The following CDH3 variants were observed in gnomAD, a reference collection of about 807,000 sequenced individuals.
CDH3 encodes the protein cadherin 3, also known as cadherin-3.
In CDH3, 54 loss-of-function variants were observed where a neutral mutation model predicts 82.0. The ratio of observed to expected loss-of-function variants is 0.66; its 90% CI spans 0.53 to 0.83. The LOEUF is 0.83. Ranked by LOEUF, CDH3 falls within the 40% of genes least tolerant of loss-of-function variation. The pLI, the probability that CDH3 is intolerant of heterozygous loss-of-function variation, is 0.00. For missense variants in CDH3, 1,054 were observed against 1,084.6 expected, an observed-to-expected ratio of 0.97 and a Z score of 0.40; for synonymous variants, 446 against 437.9, an observed-to-expected ratio of 1.02 and a Z score of -0.23.
chr16:68,682,475 G>C lies in CDH3; in HGVS notation c.1170G>C (p.Leu390=), dbSNP rs1311636839. 3 of 1,613,960 alleles carry C rather than the reference G, an allele frequency of 1.9e-6. No individual in the cohort carries two copies. Among genetic ancestry groups the C allele is most frequent in the Non-Finnish European group, 2.5e-6 (3 of 1,180,042 alleles). Residue 390 remains leucine, a synonymous_variant, in exon 9 of 16, where the codon CTG becomes CTC. Transcript: ENST00000264012. ...TTHPESNQGI[L]TTRKGLDFEA... is the part of the protein sequence containing the mutation. ...ACCCTGAGAGCAACCAGGGCATCCT[G>C]ACAACCAGGAAGGTGAGTCAGTTCG...
At chr16:68,705,936 G>T (rs377125495) in intron 1 of CDH3, among the ~76,000 whole-genome samples, 56 of 151,490 alleles carry the variant, frequency 3.7e-4, no homozygotes, top group African/African-American at 1.3e-3. Context: ...GTGGTGGCAC[G>T]TGCCTGTAGT....
At chr16:68,659,538 G>A (rs1960502241) in intron 2 of CDH3, among the ~76,000 whole-genome samples, 2 of 150,966 alleles carry the variant, frequency 1.3e-5, no homozygotes, top group Admixed American at 1.3e-4. Flanking sequence ...TCATACGACT[G>A]CACTGCACTC....
At chr16:68,696,512 C>G (rs11075695) in intron 15 of CDH3, 105,245 of 183,774 alleles carry the variant, frequency 0.57, 30,420 homozygotes, top group Non-Finnish European at 0.61. Flanking sequence ...GATCACTTGA[C>G]GTCAGGAGTT....
At position 68,682,318 on chromosome 16, in the gene CDH3, C is replaced by T; in HGVS notation, c.1013C>T (p.Pro338Leu). The change falls in exon 9 of 16, where the codon CCT becomes CTT. Residue 338 changes from proline to leucine, a missense_variant. Transcript: ENST00000264012. ...CACTGACAGTACGAGGCCCATGTGC[C>T]TGAGAATGCAGTGGGCCATGAGGTG... ...FDPQKYEAHV[P>L]ENAVGHEVQR... The T allele has an allele frequency of 6.2e-7, 1 of 1,613,900 alleles. No individual in the cohort carries two copies. Among genetic ancestry groups the T allele is most frequent in the Non-Finnish European group, 8.5e-7 (1 of 1,179,992 alleles).
intron 8 of CDH3, among the ~76,000 whole-genome samples, chr16:68,681,330 G>T (rs143773944): frequency 1.3e-5 from 2 of 152,120 alleles, no homozygotes; most frequent in African/African-American, 2.4e-5. Flanking sequence ...ATCTATGTAC[G>T]TTTCCTAACA....
At chr16:68,651,102 C>T (rs968301127) in intron 2 of CDH3, 10 of 427,620 alleles carry the variant, frequency 2.3e-5, no homozygotes, top group African/African-American at 6.2e-5. Context: ...CGTTGGTGCC[C>T]GAGGGAGCCC....
intron 1 of CDH3, among the ~76,000 whole-genome samples, chr16:68,705,732 G>T (rs116433254): frequency 0.057 from 8,626 of 150,500 alleles, 571 homozygotes; most frequent in African/African-American, 0.17. Flanking sequence ...CCAAGACACT[G>T]TTCTTGGTGC....
At chr16:68,705,426 T>A (rs919691533) in intron 1 of CDH3, among the ~76,000 whole-genome samples, 4 of 151,038 alleles carry the variant, frequency 2.6e-5, no homozygotes, top group African/African-American at 9.8e-5. Context: ...TGCAAGACAC[T>A]GGTTTTTTTT....
chr16:68,659,829 A>C (rs1960512166), intron 2 of CDH3, among the ~76,000 whole-genome samples: 1 of 150,618 alleles, frequency 6.6e-6, no homozygotes, highest in Non-Finnish European at 1.5e-5. Flanking sequence ...TGCACAAAAA[A>C]CTTATGTATG....
In CDH3 at chr16:68,682,316, G is replaced by T. The variant is rs201726457; in HGVS notation, c.1011G>T (p.Val337=). 1.9e-6 allele frequency: 3 copies of T among 1,613,842 alleles called. No homozygotes were observed. The highest frequency in any genetic ancestry group is 3.3e-5 in the Admixed American group (2 of 60,010). The change falls in exon 9 of 16, where the codon GTG becomes GTT. Residue 337 remains valine (V), a synonymous_variant. Transcript: ENST00000264012. ...MFDPQKYEAH[V]PENAVGHEVQ... ...CACACTGACAGTACGAGGCCCATGT[G>T]CCTGAGAATGCAGTGGGCCATGAGG...
chr16:68,729,102 C>G (rs758870487), downstream of CDH3, among the ~76,000 whole-genome samples: 25 of 152,076 alleles, frequency 1.6e-4, no homozygotes, highest in Admixed American at 3.9e-4. Context: ...GTCAGGAGTT[C>G]GAGACCAGCC....
intron 15 of CDH3, 173 bp from the exon 16 acceptor site, chr16:68,698,018 C>A (rs986203988): frequency 1.4e-6 from 1 of 704,572 alleles, no homozygotes; most frequent in African/African-American, 1.7e-5. Context: ...TGAGCACTTG[C>A]TGTCTGCTGG....
At chr16:68,677,089 A>G (rs770183287) in intron 3 of CDH3, among the ~76,000 whole-genome samples, 1 of 152,130 alleles carries the variant, frequency 6.6e-6, no homozygotes, top group Non-Finnish European at 1.5e-5. Flanking sequence ...TATATTGTAC[A>G]TGTTTTTACA....
chr16:68,719,500 T>TTC, intron 1 of CDH3, among the ~76,000 whole-genome samples: 1 of 103,052 alleles, frequency 9.7e-6, no homozygotes, highest in East Asian at 2.9e-4. Context: ...GATGGAACTG[T>TTC]TCTTTTTTTT....
chr16:68,686,673 A>G (rs1597813436), intron 11 of CDH3: 1 of 812,078 alleles, frequency 1.2e-6, no homozygotes, highest in Admixed American at 1.7e-5. Context: ...ATTCTTGGAA[A>G]GTACGTAGAC....
At chr16:68,664,904 C>T (rs1225514561) in intron 2 of CDH3, among the ~76,000 whole-genome samples, 1 of 152,068 alleles carries the variant, frequency 6.6e-6, no homozygotes, top group Non-Finnish European at 1.5e-5. Flanking sequence ...CCCGCCTTGG[C>T]CTCCCAAAGT....
At chr16:68,693,326 A>G (rs1165999720) in intron 13 of CDH3, among the ~76,000 whole-genome samples, 1 of 152,094 alleles carries the variant, frequency 6.6e-6, no homozygotes, top group Non-Finnish European at 1.5e-5. Context: ...GAGACCATCT[A>G]GGAGGCTGTA....
intron 3 of CDH3, among the ~76,000 whole-genome samples, chr16:68,677,477 C>T (rs1243352359): frequency 1.3e-5 from 2 of 152,234 alleles, no homozygotes; most frequent in Admixed American, 6.5e-5. Flanking sequence ...GTGGCTCACG[C>T]GTGTAATCCC....
intron 2 of CDH3, among the ~76,000 whole-genome samples, chr16:68,647,946 G>T (rs1267070131): frequency 6.6e-6 from 1 of 152,140 alleles, no homozygotes; most frequent in African/African-American, 2.4e-5. Context: ...TGAATATCAA[G>T]GGTGTCTATG....
Sources: allele counts gnomAD v4.1 joint callset (sites outside exome capture counted in the v4.1 genomes callset), GRCh38; gene constraint gnomAD v4.1.1; transcripts MANE v1.5; gene names NCBI Gene and HGNC (gene_info 2026-07-23, HGNC 2026-07-21).